Variants in ZNF184 observed in about 807,000 individuals in gnomAD.
ZNF184 encodes the protein zinc finger protein 184.
In ZNF184, 16 loss-of-function variants were observed where a neutral mutation model predicts 54.4. The ratio of observed to expected loss-of-function variants is 0.29; its 90% CI spans 0.20 to 0.45. The LOEUF (loss-of-function observed/expected upper bound fraction) is 0.45. Ranked by LOEUF, ZNF184 falls within the 20% of genes least tolerant of loss-of-function variation. ZNF184 has a pLI of 1.00. For synonymous variants in ZNF184, 254 were observed against 295.3 expected (o/e 0.86, Z 1.43); for missense variants, 681 against 888.2 (o/e 0.77, Z 2.97).
the ZNF184 span, among the ~76,000 whole-genome samples, chr6:27,443,569 A>C: frequency 6.6e-6 from 1 of 152,022 alleles, no homozygotes. Flanking sequence ...TCAGACATCC[A>C]CACCAATAGT....
At chr6:27,440,527 G>A in the ZNF184 span, among the ~76,000 whole-genome samples, 9 of 151,994 alleles carry the variant, frequency 5.9e-5, no homozygotes, top group Non-Finnish European at 1.3e-4. Flanking sequence ...GCAATCCTCT[G>A]GTATACTGAC....
Position 27,453,371 on chromosome 6 carries a change from T to A in ZNF184, c.299-111A>T. 8.9e-7 allele frequency: 1 copy of A among 1,129,096 alleles called. No individual in the cohort carries two copies. Among genetic ancestry groups the A allele is most frequent in the Non-Finnish European group, 1.2e-6 (1 of 838,192 alleles). 69.9% of individuals were successfully genotyped at this position (1,129,096 alleles called of 1,614,324 possible). A position where few individuals can be genotyped will look rare whatever the true frequency, so the allele number is the denominator to read the frequency against. The stretch of plus-strand genomic sequence containing the variant: ...TAAATCTCTCAGAAAATTCTAATGG[T>A]TTTCAAATATATAGCCATATTATTT... On this transcript the variant is annotated intron_variant, in intron 5 of 5. Transcript: ENST00000683788. The surrounding 1 kb of genome is among the most constrained non-coding windows in gnomAD (Gnocchi z 4.7).
the ZNF184 span, among the ~76,000 whole-genome samples, chr6:27,424,348 A>C: frequency 1.3e-5 from 2 of 152,230 alleles, no homozygotes; most frequent in African/African-American, 2.4e-5. Context: ...CAAAGCTTCC[A>C]CAGGGTACAA....
chr6:27,467,492 C>T (rs1413759925), intron 3 of ZNF184, among the ~76,000 whole-genome samples: 2 of 152,014 alleles, frequency 1.3e-5, no homozygotes, highest in South Asian at 2.1e-4. Context: ...CTACTCGGGA[C>T]GCTCAGGCAG....
the ZNF184 span, among the ~76,000 whole-genome samples, chr6:27,434,431 T>C: frequency 2.6e-5 from 4 of 152,208 alleles, no homozygotes; most frequent in African/African-American, 7.2e-5. Context: ...GCTACTTATA[T>C]TGAGCATTTT....
the ZNF184 span, among the ~76,000 whole-genome samples, chr6:27,409,520 A>C: frequency 2.9e-3 from 436 of 149,582 alleles, 1 homozygote; most frequent in African/African-American, 9.4e-3. Context: ...AAAAAAAAAA[A>C]ACACAAAACA....
the ZNF184 span, among the ~76,000 whole-genome samples, chr6:27,417,552 A>C: frequency 6.6e-6 from 1 of 152,158 alleles, no homozygotes; most frequent in Admixed American, 6.5e-5. Context: ...ACTTTGAGAA[A>C]TCCTGGAGAA....
chr6:27,449,315 G>A (rs1022956037), downstream of ZNF184, among the ~76,000 whole-genome samples: 6 of 152,150 alleles, frequency 3.9e-5, no homozygotes, highest in Non-Finnish European at 8.8e-5. Flanking sequence ...ACAACTGGCT[G>A]GCTTTACTGA....
At chr6:27,435,830 A>T in the ZNF184 span, among the ~76,000 whole-genome samples, 1 of 151,066 alleles carries the variant, frequency 6.6e-6, no homozygotes, top group Non-Finnish European at 1.5e-5. Flanking sequence ...CTCTCCCGCT[A>T]CCTGCATTCC....
the ZNF184 span, among the ~76,000 whole-genome samples, chr6:27,412,609 T>C: frequency 6.6e-6 from 1 of 152,252 alleles, no homozygotes; most frequent in South Asian, 2.1e-4. Flanking sequence ...AGATTTATCC[T>C]AAGCCAAATA....
At chr6:27,448,182 C>T (rs1688114657), downstream of ZNF184, among the ~76,000 whole-genome samples, 1 of 152,188 alleles carries the variant, frequency 6.6e-6, no homozygotes, top group African/African-American at 2.4e-5. Context: ...TATCTCAGTA[C>T]ATGGTAAATC....
chr6:27,457,491 G>C, intron 3 of ZNF184, 82 bp from the exon 4 acceptor site: 14 of 1,500,908 alleles, frequency 9.3e-6, no homozygotes, highest in Non-Finnish European at 1.3e-5. Flanking sequence ...ACAGAAGTAA[G>C]GCAGTCTATA....
At chr6:27,461,092 C>T (rs745575039) in intron 3 of ZNF184, among the ~76,000 whole-genome samples, 6 of 152,108 alleles carry the variant, frequency 3.9e-5, no homozygotes, top group Admixed American at 6.5e-5. Context: ...ATGAGTGTAC[C>T]AGGTGCCGAG....
At chr6:27,435,621 A>G in the ZNF184 span, among the ~76,000 whole-genome samples, 1 of 152,136 alleles carries the variant, frequency 6.6e-6, no homozygotes, top group South Asian at 2.1e-4. Context: ...CAATTTGTGT[A>G]ACTTATCTTT....
the ZNF184 span, among the ~76,000 whole-genome samples, chr6:27,417,625 TTC>T: frequency 6.6e-6 from 1 of 152,156 alleles, no homozygotes. Flanking sequence ...TCTTTTCTGG[TTC>T]TCAATTTGCC....
At chr6:27,460,811 T>C (rs1438813518) in intron 3 of ZNF184, among the ~76,000 whole-genome samples, 1 of 152,202 alleles carries the variant, frequency 6.6e-6, no homozygotes, top group Non-Finnish European at 1.5e-5. Flanking sequence ...CAGGACACTT[T>C]AGGAGCAGGG....
chr6:27,471,268 A>G (rs1763268245), intron 2 of ZNF184, among the ~76,000 whole-genome samples: 1 of 152,338 alleles, frequency 6.6e-6, no homozygotes, highest in African/African-American at 2.4e-5. Flanking sequence ...AAGGCACTGA[A>G]TAACTAAATT....
chr6:27,472,146 G>T lies in ZNF184; in HGVS notation c.7+142C>A. The stretch of plus-strand genomic sequence containing the variant: ...ATAAAACAGAATCTCTCCCTACAAT[G>T]TAATTCGGTTTCTTTGCTAATCCCT... On this transcript the variant is annotated intron_variant, in intron 2 of 5. Transcript: ENST00000683788. The surrounding 1 kb of genome is among the most constrained non-coding windows in gnomAD (Gnocchi z 4.8). 1 of 1,060,194 alleles carries T rather than the reference G, an allele frequency of 9.4e-7. No homozygotes were observed. The highest frequency in any genetic ancestry group is 1.4e-6 in the Non-Finnish European group (1 of 737,518). The allele number at this position is 1,060,194 out of a possible 1,614,324, so 65.7% of individuals were successfully genotyped here.
At chr6:27,438,286 AATTAT>A in the ZNF184 span, among the ~76,000 whole-genome samples, 1 of 152,288 alleles carries the variant, frequency 6.6e-6, no homozygotes, top group African/African-American at 2.4e-5. Context: ...CTTGAGAACT[AATTAT>A]ATTATATTTG....
Sources: allele counts gnomAD v4.1 joint callset (sites outside exome capture counted in the v4.1 genomes callset), GRCh38; gene constraint gnomAD v4.1.1; non-coding constraint Gnocchi (gnomAD v3.1); transcripts MANE v1.5; gene names NCBI Gene and HGNC (gene_info 2026-07-23, HGNC 2026-07-21).